RBBP8: variants seen among roughly 807,000 people sequenced by gnomAD.
The protein encoded by RBBP8 is DNA endonuclease RBBP8.
A neutral mutation model predicts 108.3 loss-of-function variants in RBBP8; 88 were observed. The observed-to-expected ratio is 0.81, with a 90% CI of 0.68 to 0.97. The LOEUF is 0.97. Ranked by LOEUF, RBBP8 falls within the 50% of genes least tolerant of loss-of-function variation. The probability of loss-of-function intolerance (pLI) is 0.00; values close to 1 mark genes in which losing one functional copy is unlikely to be tolerated. For missense variants in RBBP8, 1,023 were observed against 1,049.0 expected (o/e 0.98, Z 0.34); for synonymous variants, 332 against 348.2 (o/e 0.95, Z 0.52).
chr18:23,026,457 G>A lies in RBBP8; in HGVS notation c.*217G>A, dbSNP rs185814302. The A allele has an allele frequency of 3.7e-5, 18 of 492,732 alleles. No homozygotes were observed. In the Admixed American group the frequency reaches 5.1e-4, roughly 14 times the overall value. The allele number at this position is 492,732 out of a possible 1,614,324, so 30.5% of individuals were successfully genotyped here. ...AACTTAAGAGTTTTTACTTTATGTAGTGATACCTAATACAATTTTGAAAAT... is the reference window on the plus strand; with the variant it reads ...AACTTAAGAGTTTTTACTTTATGTAATGATACCTAATACAATTTTGAAAAT... On this transcript the variant is annotated 3_prime_UTR_variant, in exon 19 of 19. Coordinates refer to ENST00000327155, the MANE Select transcript of RBBP8 (RefSeq NM_002894.3).
At chr18:22,974,549 C>T (rs975644600) in intron 5 of RBBP8, among the ~76,000 whole-genome samples, 1 of 152,186 alleles carries the variant, frequency 6.6e-6, no homozygotes, top group Non-Finnish European at 1.5e-5. Context: ...ACAACCTCAG[C>T]GTCCTAGGTT....
At chr18:22,981,574 A>G (rs1024082556) in intron 6 of RBBP8, among the ~76,000 whole-genome samples, 1 of 152,236 alleles carries the variant, frequency 6.6e-6, no homozygotes, top group African/African-American at 2.4e-5. Flanking sequence ...GTGTAAACAC[A>G]TAACAAAAAT....
chr18:23,022,485 C>T (rs2046362071), intron 18 of RBBP8, among the ~76,000 whole-genome samples: 1 of 151,420 alleles, frequency 6.6e-6, no homozygotes, highest in Non-Finnish European at 1.5e-5. Context: ...GCCTGTAGTC[C>T]CAGCTACTCA....
At chr18:22,962,882 T>C (rs1422827297) in intron 4 of RBBP8, among the ~76,000 whole-genome samples, 2 of 152,190 alleles carry the variant, frequency 1.3e-5, no homozygotes, top group African/African-American at 4.8e-5. Context: ...GTTACAGGCA[T>C]GAGCCACCGC....
intron 4 of RBBP8, among the ~76,000 whole-genome samples, chr18:22,959,728 G>T (rs1427400098): frequency 3.3e-5 from 5 of 151,732 alleles, no homozygotes; most frequent in Non-Finnish European, 7.4e-5. Flanking sequence ...TTATATGTGT[G>T]TGTGTGTTTG....
chr18:23,019,601 A>G (rs7234479), intron 17 of RBBP8, among the ~76,000 whole-genome samples: 51 of 152,042 alleles, frequency 3.4e-4, no homozygotes, highest in African/African-American at 1.0e-3. Context: ...TGAGTCTCCT[A>G]TATGTCCTGA....
At chr18:22,929,465 G>GGTGTGTGTGT (rs1165994615), upstream of RBBP8, 2 of 110,714 alleles carry the variant, frequency 1.8e-5, no homozygotes, top group African/African-American at 8.5e-5. Context: ...TGTTTGGGCA[G>GGTGTGTGTGT]GTGTGTGTGT....
At chr18:23,022,668 T>TAAAATATAAAAAAAATAAAATAA (rs1353697130) in intron 18 of RBBP8, among the ~76,000 whole-genome samples, 1 of 136,026 alleles carries the variant, frequency 7.4e-6, no homozygotes, top group African/African-American at 2.9e-5. Flanking sequence ...TAAAATAAAA[T>TAAAATATAAAAAAAATAAAATAA]AAATAACTGT....
intron 3 of RBBP8, among the ~76,000 whole-genome samples, chr18:22,926,605 A>G (rs906817126): frequency 1.5e-4 from 23 of 152,232 alleles, no homozygotes; most frequent in African/African-American, 5.5e-4. Context: ...TTTGGCCATT[A>G]CTGATGGGAA....
intron 14 of RBBP8, among the ~76,000 whole-genome samples, chr18:22,999,968 A>G (rs1455984456): frequency 6.6e-6 from 1 of 152,248 alleles, no homozygotes; most frequent in Non-Finnish European, 1.5e-5. Context: ...TTTTATTTAC[A>G]TATTTGACCT....
In RBBP8 at chr18:23,001,686, A is replaced by C. The variant is rs746390937; in HGVS notation, c.2244A>C (p.Ala748=). The change falls in exon 15 of 19, where the codon GCA becomes GCC. Residue 748 remains alanine, a synonymous_variant. Coordinates refer to ENST00000327155, the MANE Select transcript of RBBP8 (RefSeq NM_002894.3). ...SCLADSFSQA[A]DEEEELSTAT... Reference sequence around the variant, plus strand: ...TGGCAGACAGTTTCTCCCAAGCAGCAGATGAAGAGGAGGAATTGTCTACTG... The same window carrying C: ...TGGCAGACAGTTTCTCCCAAGCAGCCGATGAAGAGGAGGAATTGTCTACTG... The C allele has an allele frequency of 1.2e-6, 2 of 1,614,178 alleles. No homozygotes were observed. Among genetic ancestry groups the C allele is most frequent in the Non-Finnish European group, 1.7e-6 (2 of 1,180,012 alleles).
chr18:23,021,048 A>G (rs567917872), intron 17 of RBBP8, among the ~76,000 whole-genome samples: 2 of 152,334 alleles, frequency 1.3e-5, no homozygotes, highest in East Asian at 1.9e-4. Context: ...GTCACTTTCA[A>G]TAGGTGATAT....
Position 22,993,865 on chromosome 18 carries a change from AG to A in RBBP8, c.1939+20del, listed in dbSNP as rs757282598. 1.9e-4 allele frequency: 307 copies of A among 1,607,248 alleles called. No individual in the cohort carries two copies. Among genetic ancestry groups the A allele is most frequent in the Non-Finnish European group, 2.4e-4 (283 of 1,174,242 alleles). ...CAACCAAGGTGTGTACACCATAAAC[AG>A]GATCTCCACTTTTTTAATGACTTCA... On this transcript the variant is annotated intron_variant, in intron 12 of 18. Coordinates refer to ENST00000327155, the MANE Select transcript of RBBP8 (RefSeq NM_002894.3).
At chr18:23,017,306 G>C (rs933758377) in intron 17 of RBBP8, among the ~76,000 whole-genome samples, 2 of 150,078 alleles carry the variant, frequency 1.3e-5, no homozygotes, top group Non-Finnish European at 3.0e-5. Flanking sequence ...AGTGAGCCGA[G>C]ATTGTGCCAT....
intron 16 of RBBP8, among the ~76,000 whole-genome samples, 169 bp downstream of exon 16, chr18:23,006,601 A>G (rs1315489446): frequency 6.6e-6 from 1 of 152,048 alleles, no homozygotes. Flanking sequence ...TCCTAGGCTC[A>G]AGCAATACTC....
chr18:23,020,278 G>A (rs1568007872), intron 17 of RBBP8, among the ~76,000 whole-genome samples: 1 of 151,844 alleles, frequency 6.6e-6, no homozygotes, highest in African/African-American at 2.4e-5. Flanking sequence ...AATATTAGCT[G>A]AGCGTGGTGG....
At chr18:22,938,486 A>G (rs1241722013) in intron 2 of RBBP8, among the ~76,000 whole-genome samples, 1 of 152,014 alleles carries the variant, frequency 6.6e-6, no homozygotes, top group African/African-American at 2.4e-5. Context: ...GCCCAGCCAG[A>G]TCTCATTTTT....
intron 3 of RBBP8, among the ~76,000 whole-genome samples, chr18:22,928,261 G>A (rs564201547): frequency 6.6e-6 from 1 of 151,548 alleles, no homozygotes; most frequent in South Asian, 2.1e-4. Flanking sequence ...ACATCAAGGA[G>A]CCCAGCTGAA....
At chr18:22,963,295 T>C (rs898018341) in intron 4 of RBBP8, among the ~76,000 whole-genome samples, 4 of 152,170 alleles carry the variant, frequency 2.6e-5, no homozygotes, top group African/African-American at 9.7e-5. Flanking sequence ...TAGTGTATAA[T>C]AATTTTGGTT....
Sources: allele counts gnomAD v4.1 joint callset (sites outside exome capture counted in the v4.1 genomes callset), GRCh38; gene constraint gnomAD v4.1.1; transcripts MANE v1.5; gene names NCBI Gene and HGNC (gene_info 2026-07-23, HGNC 2026-07-21).